The following RANBP2 variants were observed in gnomAD, a reference collection of about 807,000 sequenced individuals.
RANBP2 encodes RAN binding protein 2, also known as E3 SUMO-protein ligase RanBP2.
A neutral mutation model predicts 303.6 loss-of-function variants in RANBP2; 57 were observed. The ratio of observed to expected loss-of-function variants is 0.19; its 90% CI spans 0.15 to 0.23. The LOEUF (loss-of-function observed/expected upper bound fraction) is 0.23. Among genes scored for constraint, RANBP2 ranks in the 10% least tolerant of loss-of-function variants. RANBP2 has a pLI of 1.00. For missense variants in RANBP2, 3,138 were observed against 3,780.8 expected (o/e 0.83, Z 4.46); for synonymous variants, 1,167 against 1,301.5 (o/e 0.90, Z 2.23).
At chr2:109,388,259 A>G in the RANBP2 span, among the ~76,000 whole-genome samples, 23 of 152,320 alleles carry the variant, frequency 1.5e-4, no homozygotes, top group Admixed American at 1.2e-3. Flanking sequence ...GCCTTTCTCT[A>G]GTAGCACTTT....
the RANBP2 span, among the ~76,000 whole-genome samples, chr2:109,560,412 T>C: frequency 6.6e-6 from 1 of 152,114 alleles, no homozygotes; most frequent in Non-Finnish European, 1.5e-5. Context: ...TCCTCCCTTC[T>C]CAAGCTCTCC....
At chr2:108,823,276 C>A in the RANBP2 span, among the ~76,000 whole-genome samples, 5 of 152,208 alleles carry the variant, frequency 3.3e-5, no homozygotes, top group African/African-American at 1.2e-4. Flanking sequence ...GGTAACACTT[C>A]CACACTTACT....
At chr2:109,041,685 CTTTTTTTTTTTTT>C in the RANBP2 span, among the ~76,000 whole-genome samples, 66 of 82,058 alleles carry the variant, frequency 8.0e-4, no homozygotes, top group African/African-American at 2.8e-3. Flanking sequence ...CCATGCCCGG[CTTTTTTTTTTTTT>C]TTTTTTTTTT....
At chr2:108,944,768 G>A in the RANBP2 span, among the ~76,000 whole-genome samples, 579 of 152,294 alleles carry the variant, frequency 3.8e-3, 1 homozygote, top group African/African-American at 0.013. Context: ...GCCGGTCCCA[G>A]ACCTTCCTGA....
chr2:109,291,500 G>A, the RANBP2 span, among the ~76,000 whole-genome samples: 10 of 152,212 alleles, frequency 6.6e-5, no homozygotes, highest in African/African-American at 1.9e-4. Context: ...CTTCGGGCAC[G>A]TGCTGCGGAG....
chr2:109,053,442 A>G, the RANBP2 span, among the ~76,000 whole-genome samples: 1 of 152,212 alleles, frequency 6.6e-6, no homozygotes. Context: ...CCATAGAAAC[A>G]GAACATCCAG....
the RANBP2 span, among the ~76,000 whole-genome samples, chr2:108,990,769 G>T: frequency 1.3e-5 from 2 of 152,156 alleles, no homozygotes; most frequent in Admixed American, 6.5e-5. Context: ...TCCCAAACAA[G>T]AATTTTAACT....
chr2:109,394,325 AT>A, the RANBP2 span, among the ~76,000 whole-genome samples: 1 of 152,152 alleles, frequency 6.6e-6, no homozygotes, highest in Non-Finnish European at 1.5e-5. Flanking sequence ...CCCCTGTGGG[AT>A]GGTGAGCCCT....
At chr2:109,214,413 C>A in the RANBP2 span, among the ~76,000 whole-genome samples, 1 of 149,934 alleles carries the variant, frequency 6.7e-6, no homozygotes, top group Non-Finnish European at 1.5e-5. Context: ...AACAAACCTG[C>A]ACACTGTGTA....
At chr2:108,809,401 T>A in the RANBP2 span, among the ~76,000 whole-genome samples, 1 of 152,062 alleles carries the variant, frequency 6.6e-6, no homozygotes, top group Admixed American at 6.5e-5. Context: ...TAGATGACTT[T>A]GGTTATTTTG....
chr2:109,088,283 G>A, the RANBP2 span, among the ~76,000 whole-genome samples: 1 of 151,232 alleles, frequency 6.6e-6, no homozygotes, highest in Non-Finnish European at 1.5e-5. Flanking sequence ...TGTAGTTCCA[G>A]CTACTCAGGA....
At chr2:109,095,524 G>A in the RANBP2 span, among the ~76,000 whole-genome samples, 1 of 152,274 alleles carries the variant, frequency 6.6e-6, no homozygotes, top group East Asian at 1.9e-4. Flanking sequence ...GGTTTGTGAA[G>A]GGTTGGTCTT....
the RANBP2 span, among the ~76,000 whole-genome samples, chr2:108,870,698 CATT>C: frequency 6.6e-6 from 1 of 152,196 alleles, no homozygotes; most frequent in South Asian, 2.1e-4. Flanking sequence ...ACCTGGAAGA[CATT>C]ATGCTAAATG....
the RANBP2 span, among the ~76,000 whole-genome samples, chr2:109,183,128 C>A: frequency 6.6e-6 from 1 of 152,154 alleles, no homozygotes; most frequent in Non-Finnish European, 1.5e-5. Flanking sequence ...AGATTGTGTA[C>A]AAAACTGTCC....
At chr2:109,632,862 G>A in the RANBP2 span, among the ~76,000 whole-genome samples, 3 of 151,650 alleles carry the variant, frequency 2.0e-5, no homozygotes, top group South Asian at 4.2e-4. Flanking sequence ...AAAACTTGAC[G>A]TCCAAGATGA....
chr2:109,101,337 T>C, the RANBP2 span, among the ~76,000 whole-genome samples: 1 of 152,062 alleles, frequency 6.6e-6, no homozygotes, highest in Non-Finnish European at 1.5e-5. Context: ...CCATCCTGGC[T>C]AAGACGGTGA....
chr2:108,887,431 G>A, the RANBP2 span, among the ~76,000 whole-genome samples: 6 of 152,054 alleles, frequency 3.9e-5, no homozygotes, highest in African/African-American at 1.4e-4. Flanking sequence ...TATTTTGATG[G>A]GGATTGCATT....
At chr2:109,336,989 C>G in the RANBP2 span, among the ~76,000 whole-genome samples, 1 of 152,192 alleles carries the variant, frequency 6.6e-6, no homozygotes, top group Admixed American at 6.5e-5. Context: ...CAGACAAATG[C>G]AATATCTATG....
the RANBP2 span, among the ~76,000 whole-genome samples, chr2:109,528,348 A>C: frequency 1.5e-4 from 23 of 152,224 alleles, no homozygotes; most frequent in Non-Finnish European, 3.1e-4. Flanking sequence ...AATTGCCCGC[A>C]ATAAACATGA....
Sources: gnomAD v4.1 joint callset for allele counts (sites outside exome capture counted in the v4.1 genomes callset) on GRCh38, gnomAD v4.1.1 for gene constraint, MANE v1.5 for transcripts, NCBI Gene and HGNC (gene_info 2026-07-23, HGNC 2026-07-21) for gene names.